The following ARL15 variants were observed in gnomAD, a reference collection of about 807,000 sequenced individuals.
ARL15 encodes ADP-ribosylation factor-like protein 15.
ARL15 carries 19 observed loss-of-function variants against 25.2 expected under a neutral mutation model. The ratio of observed to expected loss-of-function variants is 0.75; its 90% CI spans 0.53 to 1.10. The LOEUF is 1.10. ARL15 is among the 50% of genes least tolerant of loss of function. The probability of loss-of-function intolerance (pLI) is 0.00; values close to 1 mark genes in which losing one functional copy is unlikely to be tolerated. For missense variants in ARL15, 220 were observed against 246.0 expected, an observed-to-expected ratio of 0.89 and a Z score of 0.71; for synonymous variants, 94 against 86.8, an observed-to-expected ratio of 1.08 and a Z score of -0.46.
chr5:54,218,765 G>T (rs1322535607), intron 1 of ARL15, among the ~76,000 whole-genome samples: 1 of 152,106 alleles, frequency 6.6e-6, no homozygotes, highest in Non-Finnish European at 1.5e-5. Context: ...ATACCAAGTA[G>T]ATGCTTTACA....
chr5:54,071,505 G>A (rs1389240927), intron 4 of ARL15, among the ~76,000 whole-genome samples: 7 of 46,376 alleles, frequency 1.5e-4, no homozygotes, highest in African/African-American at 3.9e-4. Context: ...CTCTTCCACC[G>A]CCTTTCCCCC....
intron 3 of ARL15, among the ~76,000 whole-genome samples, chr5:54,153,529 A>G (rs1754130864): frequency 1.3e-5 from 2 of 152,214 alleles, no homozygotes; most frequent in African/African-American, 4.8e-5. Flanking sequence ...CATGTTTTAT[A>G]ATTTTTGGAG....
intron 4 of ARL15, among the ~76,000 whole-genome samples, chr5:54,064,715 T>C (rs1300735516): frequency 7.4e-6 from 1 of 136,042 alleles, no homozygotes; most frequent in Non-Finnish European, 1.6e-5. Context: ...TTATGAGCAC[T>C]AAAAATCTAG....
intron 4 of ARL15, among the ~76,000 whole-genome samples, chr5:54,068,587 A>G (rs1371464280): frequency 6.6e-6 from 1 of 152,226 alleles, no homozygotes; most frequent in Non-Finnish European, 1.5e-5. Context: ...ACCAACAGAT[A>G]AAAGAGGTGA....
intron 3 of ARL15, among the ~76,000 whole-genome samples, chr5:54,147,669 C>T (rs906100763): frequency 6.6e-6 from 1 of 152,188 alleles, no homozygotes; most frequent in Non-Finnish European, 1.5e-5. Context: ...GAAATGGTTT[C>T]TCACCATCCC....
At chr5:54,182,811 T>C (rs375413342) in intron 1 of ARL15, among the ~76,000 whole-genome samples, 2,707 of 148,610 alleles carry the variant, frequency 0.018, 38 homozygotes, top group Non-Finnish European at 0.025. Flanking sequence ...TGTTTGTATC[T>C]TCTTTTATTT....
intron 4 of ARL15, among the ~76,000 whole-genome samples, chr5:54,020,153 G>T (rs908434006): frequency 6.6e-6 from 1 of 152,186 alleles, no homozygotes; most frequent in Non-Finnish European, 1.5e-5. Flanking sequence ...AAAATCAGTG[G>T]TGACCCTCCC....
At chr5:54,271,675 T>C (rs1307772831) in intron 1 of ARL15, among the ~76,000 whole-genome samples, 4 of 152,168 alleles carry the variant, frequency 2.6e-5, no homozygotes. Context: ...AGCCAGGAAG[T>C]ACTTACTACG....
At chr5:54,096,567 C>T (rs1203687962) in intron 4 of ARL15, among the ~76,000 whole-genome samples, 3 of 152,110 alleles carry the variant, frequency 2.0e-5, no homozygotes, top group Admixed American at 6.5e-5. Flanking sequence ...CCCGCCACCA[C>T]ACCCAGCTAA....
intron 4 of ARL15, among the ~76,000 whole-genome samples, chr5:53,993,313 T>C (rs551902063): frequency 2.0e-5 from 3 of 152,080 alleles, no homozygotes; most frequent in Non-Finnish European, 2.9e-5. Context: ...GATTGAGTCA[T>C]AGAATGCAGT....
intron 1 of ARL15, among the ~76,000 whole-genome samples, chr5:54,233,921 C>T (rs1381776495): frequency 6.6e-6 from 1 of 152,150 alleles, no homozygotes; most frequent in East Asian, 1.9e-4. Context: ...TAAAACAATG[C>T]CATTTTCTCA....
intron 4 of ARL15, among the ~76,000 whole-genome samples, chr5:53,998,352 G>A (rs1030995298): frequency 6.6e-5 from 10 of 150,816 alleles, no homozygotes; most frequent in African/African-American, 1.9e-4. Flanking sequence ...CAGACAGACT[G>A]GCTGGCCTCA....
chr5:54,219,185 C>T (rs946579319), intron 1 of ARL15, among the ~76,000 whole-genome samples: 2 of 152,072 alleles, frequency 1.3e-5, no homozygotes, highest in African/African-American at 4.8e-5. Flanking sequence ...AGCTCTCTTT[C>T]GCTATTAAAA....
intron 4 of ARL15, among the ~76,000 whole-genome samples, chr5:53,986,161 C>A (rs1291915196): frequency 6.6e-6 from 1 of 152,192 alleles, no homozygotes; most frequent in African/African-American, 2.4e-5. Context: ...TCTTTCGGCC[C>A]TGACTCTCAA....
chr5:54,231,578 A>G (rs1159439499), intron 1 of ARL15, among the ~76,000 whole-genome samples: 1 of 152,228 alleles, frequency 6.6e-6, no homozygotes, highest in Non-Finnish European at 1.5e-5. Flanking sequence ...TCCTTATCTT[A>G]GCTTAGGCTA....
intron 4 of ARL15, chr5:54,067,130 T>C (rs967013050): frequency 6.5e-6 from 1 of 152,680 alleles, no homozygotes; most frequent in African/African-American, 2.4e-5. Flanking sequence ...GGGATAGCAT[T>C]TGCTAAACAT....
At chr5:54,005,071 C>T (rs904432690) in intron 4 of ARL15, among the ~76,000 whole-genome samples, 6 of 152,044 alleles carry the variant, frequency 3.9e-5, no homozygotes, top group African/African-American at 1.2e-4. Context: ...AGGCTGCTCT[C>T]GCACTCCTGA....
intron 1 of ARL15, among the ~76,000 whole-genome samples, chr5:54,288,571 G>A (rs948209176): frequency 1.3e-5 from 2 of 152,206 alleles, no homozygotes; most frequent in African/African-American, 4.8e-5. Flanking sequence ...TTGAACTCAA[G>A]TCTTTTGGAC....
Position 53,930,740 on chromosome 5 carries a change from T to A in ARL15, c.463-44027A>T, listed in dbSNP as rs1195029652. On this transcript the variant is annotated intron_variant, in intron 4 of 4. Transcript: ENST00000504924. ...ACAGTTTTCTCTACATTATCCATCATCAGACCTCTGGACACTGTTAATTCA... is the reference window on the plus strand; with the variant it reads ...ACAGTTTTCTCTACATTATCCATCAACAGACCTCTGGACACTGTTAATTCA... Among the ~76,000 whole-genome samples the A allele has an allele frequency of 4.6e-5, 7 of 152,252 alleles. No homozygotes were observed. The East Asian group carries it at 1.3e-3, about 29-fold the overall frequency.
Sources: gnomAD v4.1 joint callset for allele counts (sites outside exome capture counted in the v4.1 genomes callset) on GRCh38, gnomAD v4.1.1 for gene constraint, MANE v1.5 for transcripts, NCBI Gene and HGNC (gene_info 2026-07-23, HGNC 2026-07-21) for gene names.